The following CCDC30 variants were observed in gnomAD, a reference collection of about 807,000 sequenced individuals.
The protein encoded by CCDC30 is coiled-coil domain containing 30, also known as coiled-coil domain-containing protein 30.
CCDC30 carries 70 observed loss-of-function variants against 100.2 expected under a neutral mutation model. The ratio of observed to expected loss-of-function variants is 0.70; its 90% CI spans 0.58 to 0.85. The LOEUF is 0.85. CCDC30 is among the 40% of genes least tolerant of loss of function. CCDC30 has a pLI of 0.00. For synonymous variants in CCDC30, 233 were observed against 269.5 expected (o/e 0.86, Z 1.33); for missense variants, 652 against 771.2 (o/e 0.85, Z 1.83).
chr1:42,571,607 A>G (rs1645734770), intron 7 of CCDC30, among the ~76,000 whole-genome samples: 1 of 152,214 alleles, frequency 6.6e-6, no homozygotes, highest in African/African-American at 2.4e-5. Context: ...TTTTGGTAAT[A>G]TCAATGAGAT....
intron 6 of CCDC30, among the ~76,000 whole-genome samples, chr1:42,506,164 G>A (rs1384200144): frequency 6.6e-6 from 1 of 152,092 alleles, no homozygotes; most frequent in Non-Finnish European, 1.5e-5. Flanking sequence ...TGACACTGAA[G>A]GACAAAATAA....
At chr1:42,595,955 A>G (rs1646279403) in intron 10 of CCDC30, among the ~76,000 whole-genome samples, 2 of 152,188 alleles carry the variant, frequency 1.3e-5, no homozygotes, top group African/African-American at 4.8e-5. Flanking sequence ...ACAGACTTCT[A>G]CGTTCTGATC....
intron 6 of CCDC30, among the ~76,000 whole-genome samples, chr1:42,558,772 G>T (rs1013043929): frequency 6.6e-6 from 1 of 152,114 alleles, no homozygotes; most frequent in Non-Finnish European, 1.5e-5. Context: ...ACAGGCCAAC[G>T]TGCAAATTCA....
chr1:42,562,195 A>T (rs1645503120), intron 6 of CCDC30, among the ~76,000 whole-genome samples: 1 of 152,220 alleles, frequency 6.6e-6, no homozygotes, highest in Non-Finnish European at 1.5e-5. Context: ...ACACTACCTG[A>T]CTTCAAACTA....
At chr1:42,483,245 G>C (rs1643995047) in intron 3 of CCDC30, among the ~76,000 whole-genome samples, 1 of 152,148 alleles carries the variant, frequency 6.6e-6, no homozygotes, top group South Asian at 2.1e-4. Flanking sequence ...TGTTCACTCT[G>C]CTGTTTATAG....
At chr1:42,634,172 A>G (rs1647098212) in intron 11 of CCDC30, among the ~76,000 whole-genome samples, 1 of 149,182 alleles carries the variant, frequency 6.7e-6, no homozygotes, top group East Asian at 2.1e-4. Context: ...GCACACCTCT[A>G]GTCCCAGCTA....
chr1:42,650,495 A>ATGTG (rs1367897512), intron 15 of CCDC30, among the ~76,000 whole-genome samples: 5 of 98,968 alleles, frequency 5.1e-5, no homozygotes, highest in South Asian at 4.0e-4. Flanking sequence ...AAAAAAATAT[A>ATGTG]TATGTGTGTG....
chr1:42,640,499 G>T (rs1161914883), intron 12 of CCDC30, among the ~76,000 whole-genome samples: 5 of 152,110 alleles, frequency 3.3e-5, no homozygotes, highest in Non-Finnish European at 7.3e-5. Flanking sequence ...ATTATAGCAG[G>T]TCAGACTACC....
At chr1:42,572,296 T>C (rs1645749225) in intron 7 of CCDC30, among the ~76,000 whole-genome samples, 1 of 152,340 alleles carries the variant, frequency 6.6e-6, no homozygotes, top group East Asian at 1.9e-4. Flanking sequence ...ATACATTTAA[T>C]TGGCATTTGA....
chr1:42,479,347 G>T (rs1485287214), intron 1 of CCDC30, among the ~76,000 whole-genome samples: 1 of 152,052 alleles, frequency 6.6e-6, no homozygotes, highest in Admixed American at 6.6e-5. Flanking sequence ...TTGCATTCCA[G>T]CCTGGGCGAA....
chr1:42,615,745 T>C (rs2148650064), intron 11 of CCDC30, among the ~76,000 whole-genome samples: 1 of 152,324 alleles, frequency 6.6e-6, no homozygotes, highest in Middle Eastern at 3.4e-3. Flanking sequence ...TGATTAATGC[T>C]TTATTATAAT....
chr1:42,554,488 G>A (rs943445059), intron 6 of CCDC30, among the ~76,000 whole-genome samples: 2 of 151,922 alleles, frequency 1.3e-5, no homozygotes, highest in African/African-American at 4.8e-5. Flanking sequence ...ATGTTGACCA[G>A]GCTGGTCTCG....
chr1:42,602,858 C>T (rs940111548), intron 10 of CCDC30, among the ~76,000 whole-genome samples: 5 of 152,138 alleles, frequency 3.3e-5, no homozygotes, highest in African/African-American at 7.2e-5. Flanking sequence ...GTATCTCTCA[C>T]GTAGATATAA....
intron 10 of CCDC30, among the ~76,000 whole-genome samples, chr1:42,602,672 A>T (rs113707238): frequency 6.6e-6 from 1 of 152,214 alleles, no homozygotes; most frequent in South Asian, 2.1e-4. Context: ...AACAGAAAGC[A>T]CCAGGCCCAG....
At chr1:42,511,099 G>C (rs1644471076) in intron 6 of CCDC30, among the ~76,000 whole-genome samples, 3 of 152,042 alleles carry the variant, frequency 2.0e-5, no homozygotes, top group Non-Finnish European at 4.4e-5. Context: ...ACCCAGGGTG[G>C]AGGGGAAGAC....
intron 6 of CCDC30, among the ~76,000 whole-genome samples, chr1:42,507,976 G>A (rs1644421052): frequency 6.6e-6 from 1 of 152,028 alleles, no homozygotes; most frequent in Middle Eastern, 3.2e-3. Context: ...AAATATTTAA[G>A]CATTTATTTT....
chr1:42,456,480 C>A, the CCDC30 span: 2 of 1,366,036 alleles, frequency 1.5e-6, no homozygotes, highest in Non-Finnish European at 9.6e-7. Flanking sequence ...CCACTCAGTA[C>A]GGCGCGGCGC....
intron 1 of CCDC30, among the ~76,000 whole-genome samples, chr1:42,479,973 A>T (rs1643932246): frequency 1.3e-5 from 2 of 152,054 alleles, no homozygotes; most frequent in South Asian, 4.1e-4. Flanking sequence ...AACTGGCCAG[A>T]TGGGGACTCT....
chr1:42,528,851 T>A (rs1207083175), intron 6 of CCDC30, among the ~76,000 whole-genome samples: 1 of 152,232 alleles, frequency 6.6e-6, no homozygotes, highest in Non-Finnish European at 1.5e-5. Flanking sequence ...ACAAATGTTA[T>A]CTGTGACATT....
Sources: allele counts gnomAD v4.1 joint callset (sites outside exome capture counted in the v4.1 genomes callset), GRCh38; gene constraint gnomAD v4.1.1; transcripts MANE v1.5; gene names NCBI Gene and HGNC (gene_info 2026-07-23, HGNC 2026-07-21).